Variants in TMTC3 observed in about 807,000 individuals in gnomAD.
TMTC3 encodes protein O-mannosyl-transferase TMTC3.
In TMTC3, 52 loss-of-function variants were observed where a neutral mutation model predicts 92.2. That is an observed-to-expected ratio of 0.56 (90% CI 0.45 to 0.71). TMTC3 has a LOEUF of 0.71. Among genes scored for constraint, TMTC3 ranks in the 30% least tolerant of loss-of-function variants. TMTC3 has a pLI of 0.00. For missense variants in TMTC3, 896 were observed against 1,057.1 expected (o/e 0.85, Z 2.11); for synonymous variants, 339 against 363.3 (o/e 0.93, Z 0.76).
At chr12:88,174,901 C>G (rs1195984148) in intron 9 of TMTC3, among the ~76,000 whole-genome samples, 174 bp downstream of exon 9, 1 of 152,042 alleles carries the variant, frequency 6.6e-6, no homozygotes, top group African/African-American at 2.4e-5. Context: ...ACCAAATGCT[C>G]TGAATAATAC....
At chr12:88,180,465 G>A (rs1278747348) in intron 10 of TMTC3, among the ~76,000 whole-genome samples, 1 of 152,264 alleles carries the variant, frequency 6.6e-6, no homozygotes, top group East Asian at 1.9e-4. Context: ...AAAAGTGAGA[G>A]AATAAGAAAA....
At chr12:88,149,735 C>G (rs894102235) in intron 2 of TMTC3, among the ~76,000 whole-genome samples, 4 of 152,076 alleles carry the variant, frequency 2.6e-5, no homozygotes, top group Non-Finnish European at 4.4e-5. Flanking sequence ...TCTTTCATTC[C>G]TCTGATCACA....
chr12:88,146,611 G>GTA lies in TMTC3; in HGVS notation c.-28-1664_-28-1663dup, dbSNP rs1555231456. Among the ~76,000 whole-genome samples the GTA allele has an allele frequency of 1.1e-3, 168 of 147,900 alleles. 5 individuals carry two copies. Among genetic ancestry groups the GTA allele is most frequent in the Admixed American group, 6.8e-3 (100 of 14,728 alleles). ...TATATTTGTGTGTGTGTGTGTGTGT[G>GTA]TATATATATATATACATATATATGT... On this transcript the variant is annotated intron_variant, in intron 1 of 13. Coordinates refer to ENST00000266712, the MANE Select transcript of TMTC3 (RefSeq NM_181783.4).
Position 88,197,934 on chromosome 12 carries a change from T to A in TMTC3, c.*2285T>A, listed in dbSNP as rs1025554137. The A allele has an allele frequency of 1.9e-5, 3 of 157,726 alleles. No homozygotes were observed. The highest frequency in any genetic ancestry group is 7.2e-5 in the African/African-American group (3 of 41,738). The allele number at this position is 157,726 out of a possible 1,614,324, so 9.8% of individuals were successfully genotyped here. ...CTCTTTGAGTGATTCTAATTTGTAG[T>A]CAGAGTTGAAGACCACTGCTCTAAA... is the stretch of plus-strand genomic sequence containing the variant. On this transcript the variant is annotated 3_prime_UTR_variant, in exon 14 of 14. Transcript: ENST00000266712.
chr12:88,190,202 C>T (rs1038145027), intron 11 of TMTC3, among the ~76,000 whole-genome samples: 1 of 152,048 alleles, frequency 6.6e-6, no homozygotes, highest in African/African-American at 2.4e-5. Flanking sequence ...TATATTTTTT[C>T]ATTCATGCCA....
rs1272920820 is a variant in TMTC3 at position 88,166,585 on chromosome 12, A to G, written c.1050+3A>G. 6.2e-7 allele frequency: 1 copy of G among 1,605,848 alleles called. No homozygotes were observed. Among genetic ancestry groups the G allele is most frequent in the Non-Finnish European group, 8.5e-7 (1 of 1,177,190 alleles). On this transcript the variant is annotated splice_donor_region_variant and intron_variant, in intron 7 of 13. Coordinates refer to ENST00000266712, the MANE Select transcript of TMTC3 (RefSeq NM_181783.4). ...ATTCCTCCAAGACTGTTTTAATGGT[A>G]AGAAACTTTTCTTAACTTCCAAATG...
At chr12:88,174,410 G>A (rs997639375) in intron 8 of TMTC3, among the ~76,000 whole-genome samples, 197 bp from the exon 9 acceptor site, 9 of 152,014 alleles carry the variant, frequency 5.9e-5, no homozygotes, top group Non-Finnish European at 8.8e-5. Flanking sequence ...GTAATTGACT[G>A]GAAGGTCATA....
Position 88,198,608 on chromosome 12 carries a change from T to G in TMTC3, c.*2959T>G, listed in dbSNP as rs1222188898. The G allele has an allele frequency of 7.7e-6, 3 of 389,798 alleles. No individual in the cohort carries two copies. The highest frequency in any genetic ancestry group is 1.4e-4 in the South Asian group (1 of 6,958). The allele number at this position is 389,798 out of a possible 1,614,324, so 24.1% of individuals were successfully genotyped here. A position where few individuals can be genotyped will look rare whatever the true frequency, so the allele number is the denominator to read the frequency against. On this transcript the variant is annotated 3_prime_UTR_variant, in exon 14 of 14. Transcript: ENST00000266712. ...CGTATTTTGCTTTTCAATTTTGTGT[T>G]TGTTTACTTTTATGTAAAAATTTGA... is the stretch of plus-strand genomic sequence containing the variant.
intron 10 of TMTC3, among the ~76,000 whole-genome samples, chr12:88,178,619 A>G (rs1390180322): frequency 6.6e-6 from 1 of 150,740 alleles, no homozygotes; most frequent in Admixed American, 6.6e-5. Context: ...CATCTGATTC[A>G]TTTTTGTACC....
In TMTC3 at chr12:88,160,722, G is replaced by A. The variant is rs769476642; in HGVS notation, c.668G>A (p.Arg223His). The change falls in exon 6 of 14, where the codon CGT becomes CAT. Residue 223 changes from arginine (R) to histidine (H), a missense_variant. Transcript: ENST00000266712. ...TGTACTACTGCTGGACAGTTTCTCC[G>A]TGGAAAGGGTAGCATTCCATTTTCT... is the stretch of plus-strand genomic sequence containing the variant. ...LLCTTAGQFLRGKGSIPFSML... is the reference protein window; with the variant it reads ...LLCTTAGQFLHGKGSIPFSML... 6.4e-5 allele frequency: 104 copies of A among 1,613,372 alleles called. No homozygotes were observed. The highest frequency in any genetic ancestry group is 8.5e-5 in the Non-Finnish European group (100 of 1,179,730).
chr12:88,143,566 A>C (rs1208295968), intron 1 of TMTC3, among the ~76,000 whole-genome samples: 1 of 152,196 alleles, frequency 6.6e-6, no homozygotes, highest in African/African-American at 2.4e-5. Flanking sequence ...ACACCTCCTC[A>C]GACATTCTGG....
chr12:88,154,150 T>C (rs556717851), intron 3 of TMTC3, 138 bp from the exon 4 acceptor site: 194 of 598,570 alleles, frequency 3.2e-4, no homozygotes, highest in Non-Finnish European at 5.2e-4. Flanking sequence ...ATTCACCACC[T>C]GAGGGCACCC....
At chr12:88,174,796 T>C in intron 9 of TMTC3, 69 bp downstream of exon 9, 1 of 1,576,216 alleles carries the variant, frequency 6.3e-7, no homozygotes, top group Non-Finnish European at 8.6e-7. Flanking sequence ...TCTAAGCTGT[T>C]TTAACTTTGT....
At chr12:88,158,020 A>G (rs1472774506) in intron 4 of TMTC3, among the ~76,000 whole-genome samples, 3 of 152,164 alleles carry the variant, frequency 2.0e-5, no homozygotes, top group Non-Finnish European at 4.4e-5. Flanking sequence ...CAGAAGAACC[A>G]TGTTAAAGTC....
At chr12:88,152,185 CTG>C (rs2040950999) in intron 2 of TMTC3, among the ~76,000 whole-genome samples, 1 of 152,184 alleles carries the variant, frequency 6.6e-6, no homozygotes, top group Non-Finnish European at 1.5e-5. Context: ...GATCTGCACA[CTG>C]TACAAGCATG....
At chr12:88,174,504 A>AT (rs2041238525) in intron 8 of TMTC3, 103 bp from the exon 9 acceptor site, 1 of 1,299,740 alleles carries the variant, frequency 7.7e-7, no homozygotes, top group Non-Finnish European at 1.0e-6. Flanking sequence ...AACATATGAT[A>AT]TTTTAGGAGC....
intron 1 of TMTC3, among the ~76,000 whole-genome samples, chr12:88,145,617 G>A (rs2040863226): frequency 6.6e-6 from 1 of 152,054 alleles, no homozygotes; most frequent in African/African-American, 2.4e-5. Flanking sequence ...TATTTAAAGG[G>A]GAAAAATCCA....
chr12:88,192,187 C>G (rs2041452143), intron 12 of TMTC3, among the ~76,000 whole-genome samples: 1 of 151,950 alleles, frequency 6.6e-6, no homozygotes, highest in Non-Finnish European at 1.5e-5. Flanking sequence ...TACTATATGT[C>G]ATTTTTTTCT....
At chr12:88,189,767 G>T in intron 11 of TMTC3, among the ~76,000 whole-genome samples, 1 of 152,072 alleles carries the variant, frequency 6.6e-6, no homozygotes, top group East Asian at 1.9e-4. Context: ...CACTTGTCTG[G>T]TGAAGTTTGG....
Sources: allele counts gnomAD v4.1 joint callset (sites outside exome capture counted in the v4.1 genomes callset), GRCh38; gene constraint gnomAD v4.1.1; transcripts MANE v1.5; gene names NCBI Gene and HGNC (gene_info 2026-07-23, HGNC 2026-07-21).